The following CDH13 variants were observed in gnomAD, a reference collection of about 807,000 sequenced individuals.
The protein encoded by CDH13 is cadherin-13.
CDH13 carries 24 observed loss-of-function variants against 63.8 expected under a neutral mutation model. That is an observed-to-expected ratio of 0.38 (90% CI 0.27 to 0.53). The LOEUF is 0.53. Ranked by LOEUF, CDH13 falls within the 20% of genes least tolerant of loss-of-function variation. CDH13 has a pLI of 0.85. For synonymous variants in CDH13, 503 were observed against 355.3 expected (o/e 1.42, Z -4.67); for missense variants, 1,049 against 903.1 (o/e 1.16, Z -2.07).
At chr16:83,758,337 T>C (rs1458145620) in intron 11 of CDH13, among the ~76,000 whole-genome samples, 1 of 152,102 alleles carries the variant, frequency 6.6e-6, no homozygotes, top group Non-Finnish European at 1.5e-5. Context: ...AACAAAAATA[T>C]TAATGAATCC....
chr16:83,587,931 C>T (rs1906328046), intron 7 of CDH13, among the ~76,000 whole-genome samples: 1 of 150,926 alleles, frequency 6.6e-6, no homozygotes, highest in Non-Finnish European at 1.5e-5. Flanking sequence ...ATCTGAGCAA[C>T]ATTCTCTTAT....
At chr16:82,880,781 A>G (rs376595920) in intron 2 of CDH13, among the ~76,000 whole-genome samples, 3 of 152,168 alleles carry the variant, frequency 2.0e-5, no homozygotes, top group African/African-American at 4.8e-5. Flanking sequence ...ATTAAGGTCA[A>G]CTCTAGTTTT....
At chr16:83,282,878 T>G (rs74455940) in intron 5 of CDH13, among the ~76,000 whole-genome samples, 2,147 of 152,312 alleles carry the variant, frequency 0.014, 22 homozygotes, top group Middle Eastern at 0.031. Context: ...TGGGTCTCCA[T>G]GGTTGATAGG....
intron 2 of CDH13, among the ~76,000 whole-genome samples, chr16:83,015,142 A>C (rs907732640): frequency 4.2e-4 from 64 of 152,110 alleles, no homozygotes; most frequent in African/African-American, 1.5e-3. Context: ...TTTAATAATC[A>C]AAATGTGTGG....
intron 2 of CDH13, among the ~76,000 whole-genome samples, chr16:82,913,006 T>C (rs1427956899): frequency 3.9e-5 from 6 of 151,962 alleles, no homozygotes; most frequent in African/African-American, 1.4e-4. Context: ...TGTCTCTACA[T>C]GGTAAAATCT....
chr16:82,718,562 T>C (rs1361427363), intron 1 of CDH13, among the ~76,000 whole-genome samples: 1 of 152,174 alleles, frequency 6.6e-6, no homozygotes, highest in African/African-American at 2.4e-5. Context: ...TTAGTCCATT[T>C]TCACGCTGCT....
At chr16:83,226,437 T>G (rs1338134031) in intron 5 of CDH13, among the ~76,000 whole-genome samples, 1 of 152,172 alleles carries the variant, frequency 6.6e-6, no homozygotes, top group Non-Finnish European at 1.5e-5. Context: ...TCTTGGCAGG[T>G]GGGAGAACCC....
intron 3 of CDH13, among the ~76,000 whole-genome samples, chr16:83,079,463 T>C (rs2033085476): frequency 1.3e-5 from 2 of 152,320 alleles, no homozygotes; most frequent in Admixed American, 6.5e-5. Flanking sequence ...TAAAATGGGA[T>C]AATTATAATA....
chr16:83,771,571 A>G (rs1421589890), intron 11 of CDH13, among the ~76,000 whole-genome samples: 1 of 152,216 alleles, frequency 6.6e-6, no homozygotes, highest in Non-Finnish European at 1.5e-5. Context: ...ATAGTCCTCT[A>G]GAGCAACAGA....
At chr16:83,251,616 G>C (rs1450540082) in intron 5 of CDH13, among the ~76,000 whole-genome samples, 1 of 152,218 alleles carries the variant, frequency 6.6e-6, no homozygotes, top group Non-Finnish European at 1.5e-5. Flanking sequence ...GCCAGTTCTA[G>C]AGAAGGCACA....
chr16:83,192,021 G>C (rs2038733320), intron 4 of CDH13, among the ~76,000 whole-genome samples: 1 of 152,254 alleles, frequency 6.6e-6, no homozygotes, highest in Admixed American at 6.5e-5. Flanking sequence ...GGTTAAAGGG[G>C]ATAGTTAAGG....
At chr16:83,013,691 C>A (rs1234040487) in intron 2 of CDH13, among the ~76,000 whole-genome samples, 1 of 152,184 alleles carries the variant, frequency 6.6e-6, no homozygotes. Flanking sequence ...GACATAGAGA[C>A]AATCTGACAG....
chr16:83,430,536 A>C (rs2072065988), intron 6 of CDH13, among the ~76,000 whole-genome samples: 1 of 152,184 alleles, frequency 6.6e-6, no homozygotes, highest in African/African-American at 2.4e-5. Flanking sequence ...ATTTTATCAA[A>C]CCTTTATTCT....
chr16:83,019,849 A>T (rs1325581724), intron 2 of CDH13, among the ~76,000 whole-genome samples: 1 of 151,682 alleles, frequency 6.6e-6, no homozygotes, highest in Non-Finnish European at 1.5e-5. Flanking sequence ...AAAAAAAAAA[A>T]AAAAACAATA....
intron 1 of CDH13, among the ~76,000 whole-genome samples, chr16:82,856,102 C>T (rs541712291): frequency 6.6e-6 from 1 of 152,132 alleles, no homozygotes; most frequent in East Asian, 1.9e-4. Context: ...TGGGGCCGGG[C>T]ACGGTGGCTC....
At chr16:83,045,245 C>A (rs552331801) in intron 3 of CDH13, among the ~76,000 whole-genome samples, 28 of 152,200 alleles carry the variant, frequency 1.8e-4, no homozygotes, top group African/African-American at 6.0e-4. Context: ...TCATCATGAC[C>A]CATTAATAAA....
intron 2 of CDH13, among the ~76,000 whole-genome samples, chr16:82,882,503 G>T (rs1354951613): frequency 6.6e-6 from 1 of 152,182 alleles, no homozygotes; most frequent in Non-Finnish European, 1.5e-5. Context: ...GTGAACCATG[G>T]TCACCGCTGC....
At chr16:83,453,513 C>G (rs1384412938) in intron 6 of CDH13, among the ~76,000 whole-genome samples, 2 of 152,080 alleles carry the variant, frequency 1.3e-5, no homozygotes, top group Admixed American at 6.6e-5. Flanking sequence ...GTTATAAGCA[C>G]TTAATAAAAT....
At chr16:83,508,710 C>T (rs1343889429) in intron 7 of CDH13, among the ~76,000 whole-genome samples, 1 of 152,188 alleles carries the variant, frequency 6.6e-6, no homozygotes, top group Non-Finnish European at 1.5e-5. Context: ...TGTGTATTGA[C>T]TCTTTTACAT....
Sources: gnomAD v4.1 joint callset for allele counts (sites outside exome capture counted in the v4.1 genomes callset) on GRCh38, gnomAD v4.1.1 for gene constraint, MANE v1.5 for transcripts, NCBI Gene and HGNC (gene_info 2026-07-23, HGNC 2026-07-21) for gene names.